MTUS2: variants seen among roughly 807,000 people sequenced by gnomAD.
The protein encoded by MTUS2 is microtubule associated scaffold protein 2.
MTUS2 carries 40 observed loss-of-function variants against 114.1 expected under a neutral mutation model. That is an observed-to-expected ratio of 0.35 (90% CI 0.27 to 0.46). The LOEUF (loss-of-function observed/expected upper bound fraction) is 0.46. MTUS2 is among the 20% of genes least tolerant of loss of function. The probability of loss-of-function intolerance (pLI) is 1.00; values close to 1 mark genes in which losing one functional copy is unlikely to be tolerated. For synonymous variants in MTUS2, 688 were observed against 672.0 expected, an observed-to-expected ratio of 1.02 and a Z score of -0.37; for missense variants, 1,679 against 1,705.4, an observed-to-expected ratio of 0.98 and a Z score of 0.27.
chr13:29,390,621 C>T (rs1873361173), intron 8 of MTUS2, among the ~76,000 whole-genome samples: 1 of 147,550 alleles, frequency 6.8e-6, no homozygotes, highest in African/African-American at 2.5e-5. Flanking sequence ...CACTGCACTC[C>T]AGCCTGGGTG....
At chr13:28,953,909 A>T (rs1357438215) in intron 2 of MTUS2, among the ~76,000 whole-genome samples, 1 of 152,212 alleles carries the variant, frequency 6.6e-6, no homozygotes, top group African/African-American at 2.4e-5. Context: ...AAACATACTG[A>T]AGGGGGCGTT....
chr13:28,957,045 A>T (rs1883106189), intron 2 of MTUS2, among the ~76,000 whole-genome samples: 1 of 152,218 alleles, frequency 6.6e-6, no homozygotes. Flanking sequence ...GAGAAAGAGC[A>T]ATGCTTTCAT....
intron 2 of MTUS2, among the ~76,000 whole-genome samples, chr13:28,880,883 A>G (rs1878244716): frequency 6.6e-6 from 1 of 152,106 alleles, no homozygotes; most frequent in Non-Finnish European, 1.5e-5. Flanking sequence ...GATTATAGTT[A>G]ATCATTTGTT....
intron 6 of MTUS2, among the ~76,000 whole-genome samples, chr13:29,302,590 C>G (rs552032721): frequency 6.6e-6 from 1 of 152,324 alleles, no homozygotes; most frequent in East Asian, 1.9e-4. Context: ...CATGGCACCT[C>G]ACAACTTAAG....
chr13:29,421,029 C>A (rs1354940110), intron 8 of MTUS2, among the ~76,000 whole-genome samples: 1 of 152,142 alleles, frequency 6.6e-6, no homozygotes, highest in Non-Finnish European at 1.5e-5. Context: ...TATCTCAGAG[C>A]AAAAACACAT....
intron 6 of MTUS2, among the ~76,000 whole-genome samples, chr13:29,298,853 A>G (rs1009049887): frequency 6.6e-6 from 1 of 152,194 alleles, no homozygotes; most frequent in African/African-American, 2.4e-5. Context: ...GGAATCTCCC[A>G]GATTTGACAC....
In MTUS2 at chr13:29,163,908, C is replaced by T. The variant is rs201152075; in HGVS notation, c.2644+62938C>T. Among the ~76,000 whole-genome samples, 14 of 152,194 alleles carry T rather than the reference C, an allele frequency of 9.2e-5. No homozygotes were observed. The East Asian group carries it at 2.7e-3, about 30-fold the overall frequency. Reference sequence around the variant, plus strand: ...CTCCAGAAATCTGGAGCCCTGATGCCCTAACAGGGTGCGGACCCCTTTGCT... The same window carrying T: ...CTCCAGAAATCTGGAGCCCTGATGCTCTAACAGGGTGCGGACCCCTTTGCT... On this transcript the variant is annotated intron_variant, in intron 5 of 15. Transcript: ENST00000612955.
chr13:29,437,971 A>T (rs1877540231), intron 8 of MTUS2, among the ~76,000 whole-genome samples: 1 of 151,788 alleles, frequency 6.6e-6, no homozygotes, highest in African/African-American at 2.4e-5. Context: ...AAAGTATAAG[A>T]CTGATATGCA....
At chr13:28,988,698 A>G (rs1309320816) in intron 2 of MTUS2, among the ~76,000 whole-genome samples, 1 of 152,210 alleles carries the variant, frequency 6.6e-6, no homozygotes, top group Non-Finnish European at 1.5e-5. Flanking sequence ...GAAAATGTTA[A>G]AAGTCCATTA....
intron 5 of MTUS2, among the ~76,000 whole-genome samples, chr13:29,263,290 T>A (rs1352830652): frequency 6.6e-6 from 1 of 152,174 alleles, no homozygotes; most frequent in Non-Finnish European, 1.5e-5. Flanking sequence ...TATGTCTTCC[T>A]CTTGATCAGG....
intron 3 of MTUS2, 66 bp downstream of exon 3, chr13:29,026,969 A>G (rs1886590354): frequency 6.9e-7 from 1 of 1,442,134 alleles, no homozygotes; most frequent in African/African-American, 1.4e-5. Flanking sequence ...CATATTTTCA[A>G]TGAGTTATGA....
chr13:29,476,166 C>CT (rs1880686599), intron 9 of MTUS2, among the ~76,000 whole-genome samples: 1 of 152,120 alleles, frequency 6.6e-6, no homozygotes, highest in Non-Finnish European at 1.5e-5. Context: ...GGTTTGTAGC[C>CT]TAGGAACAGT....
chr13:29,278,458 T>C (rs1383706362), intron 5 of MTUS2, among the ~76,000 whole-genome samples: 2 of 152,154 alleles, frequency 1.3e-5, no homozygotes, highest in African/African-American at 4.8e-5. Flanking sequence ...ACCTCAATTA[T>C]GGGCAAAAGT....
chr13:29,384,359 T>C (rs1872489247), intron 8 of MTUS2, among the ~76,000 whole-genome samples: 1 of 152,200 alleles, frequency 6.6e-6, no homozygotes, highest in Non-Finnish European at 1.5e-5. Flanking sequence ...AATACCAGCT[T>C]TTTGTAATCC....
chr13:29,171,146 G>A (rs1566045539), intron 5 of MTUS2, among the ~76,000 whole-genome samples: 3 of 151,582 alleles, frequency 2.0e-5, no homozygotes, highest in East Asian at 1.9e-4. Context: ...GAGAGAGTGT[G>A]TGTGTGTGTG....
At chr13:29,234,203 A>G (rs1008257948) in intron 5 of MTUS2, among the ~76,000 whole-genome samples, 1 of 152,176 alleles carries the variant, frequency 6.6e-6, no homozygotes, top group Non-Finnish European at 1.5e-5. Flanking sequence ...CACTTCAAAG[A>G]TATCTATTGA....
At chr13:29,346,632 C>T (rs1868724125) in intron 7 of MTUS2, among the ~76,000 whole-genome samples, 1 of 111,902 alleles carries the variant, frequency 8.9e-6, no homozygotes, top group Non-Finnish European at 1.8e-5. Flanking sequence ...TCCCCACCTG[C>T]AGCAGCTTCT....
At chr13:28,922,183 C>T (rs1295216196) in intron 2 of MTUS2, among the ~76,000 whole-genome samples, 1 of 152,194 alleles carries the variant, frequency 6.6e-6, no homozygotes, top group Non-Finnish European at 1.5e-5. Flanking sequence ...GTGCTTGCTT[C>T]CCCTTCACGC....
At chr13:29,152,272 G>T (rs1892691960) in intron 5 of MTUS2, among the ~76,000 whole-genome samples, 1 of 152,112 alleles carries the variant, frequency 6.6e-6, no homozygotes, top group Non-Finnish European at 1.5e-5. Context: ...CTAAACATAT[G>T]CTAAAAGTTC....
Sources: allele counts gnomAD v4.1 joint callset (sites outside exome capture counted in the v4.1 genomes callset), GRCh38; gene constraint gnomAD v4.1.1; transcripts MANE v1.5; gene names NCBI Gene and HGNC (gene_info 2026-07-23, HGNC 2026-07-21).